The following GRAMD1B variants were observed in gnomAD, a reference collection of about 807,000 sequenced individuals.
The protein encoded by GRAMD1B is protein Aster-B.
Under a neutral mutation model 99.7 loss-of-function variants are expected in GRAMD1B, and 37 were observed. The ratio of observed to expected loss-of-function variants is 0.37; its 90% CI spans 0.29 to 0.49. The LOEUF (loss-of-function observed/expected upper bound fraction) is 0.49. Ranked by LOEUF, GRAMD1B falls within the 20% of genes least tolerant of loss-of-function variation. GRAMD1B has a pLI of 0.98. For missense variants in GRAMD1B, 888 were observed against 1,009.2 expected, an observed-to-expected ratio of 0.88 and a Z score of 1.63; for synonymous variants, 427 against 387.6, an observed-to-expected ratio of 1.10 and a Z score of -1.19.
rs561772300 is a variant in GRAMD1B, at chr11:123,388,316, C to T, written c.-176+29517C>T. On this transcript the variant is annotated intron_variant, in intron 1 of 20. Transcript: ENST00000638157. ...ATGTGGTAGTATTAAGAGGTGGGGC[C>T]TTTCAAAGGTGATTAGGTCATAAGA... 1.6e-4 allele frequency among the ~76,000 whole-genome samples: 25 copies of T among 152,022 alleles called. No homozygotes were observed. The South Asian group carries it at 5.2e-3, about 32-fold the overall frequency.
intron 4 of GRAMD1B, 25 bp downstream of exon 4, chr11:123,584,357 G>A (rs1338654158): frequency 2.0e-6 from 3 of 1,469,222 alleles, no homozygotes; most frequent in Non-Finnish European, 2.8e-6. Flanking sequence ...TTCCCTTCTT[G>A]TTGGGTACCT....
Position 123,587,857 on chromosome 11 carries a change from G to A in GRAMD1B, c.684+3525G>A, listed in dbSNP as rs1950219296. On this transcript the variant is annotated intron_variant, in intron 4 of 19. Transcript: ENST00000635736. This position sits in a 1 kb window ranked among gnomAD's most constrained non-coding sequence, Gnocchi z 4.2. ...GTGTTGGGGTTGGGCAGCGGAGAGG[G>A]TAGGAGACCTGCCTCGAACCTGGTG... Among the ~76,000 whole-genome samples the A allele has an allele frequency of 2.0e-5, 3 of 152,146 alleles. No individual in the cohort carries two copies. Among genetic ancestry groups the A allele is most frequent in the Non-Finnish European group, 4.4e-5 (3 of 68,018 alleles).
At chr11:123,483,790 G>A (rs750696812) in intron 2 of GRAMD1B, among the ~76,000 whole-genome samples, 2 of 152,140 alleles carry the variant, frequency 1.3e-5, no homozygotes, top group African/African-American at 2.4e-5. Context: ...GCTGGGTGGT[G>A]TGTCAAAAGG....
intron 2 of GRAMD1B, among the ~76,000 whole-genome samples, chr11:123,481,476 C>T (rs115089156): frequency 2.6e-5 from 4 of 151,918 alleles, no homozygotes; most frequent in African/African-American, 9.7e-5. Context: ...ACAACAACAA[C>T]AAACTTTACA....
chr11:123,468,304 A>G (rs1450609792), intron 1 of GRAMD1B, among the ~76,000 whole-genome samples: 1 of 150,794 alleles, frequency 6.6e-6, no homozygotes, highest in East Asian at 1.9e-4. Context: ...TTACAAATAC[A>G]TCAAGGGAGG....
At chr11:123,534,413 A>C (rs1264376924) in intron 2 of GRAMD1B, among the ~76,000 whole-genome samples, 1 of 152,212 alleles carries the variant, frequency 6.6e-6, no homozygotes, top group Non-Finnish European at 1.5e-5. Context: ...TGCACAGTTC[A>C]AATCCATGTT....
chr11:123,572,561 A>G (rs1948225304), intron 2 of GRAMD1B, among the ~76,000 whole-genome samples: 1 of 152,202 alleles, frequency 6.6e-6, no homozygotes, highest in Non-Finnish European at 1.5e-5. Context: ...AACTGCAAAC[A>G]TTTCTTCTTT....
chr11:123,381,899 G>A (rs1946888641), intron 1 of GRAMD1B, among the ~76,000 whole-genome samples: 1 of 152,192 alleles, frequency 6.6e-6, no homozygotes, highest in South Asian at 2.1e-4. Context: ...AGGACCGGAG[G>A]CTTGGGGTGG....
chr11:123,570,064 G>A (rs570466774), intron 2 of GRAMD1B, among the ~76,000 whole-genome samples: 3 of 152,312 alleles, frequency 2.0e-5, no homozygotes, highest in South Asian at 2.1e-4. Flanking sequence ...TGTTATACCC[G>A]GAGTTGTAAA....
chr11:123,438,573 T>G (rs1488481698), intron 1 of GRAMD1B, among the ~76,000 whole-genome samples: 1 of 152,142 alleles, frequency 6.6e-6, no homozygotes, highest in Non-Finnish European at 1.5e-5. Flanking sequence ...TAAAACAATC[T>G]GTGGAAACTG....
rs925809524 is a variant in GRAMD1B, at chr11:123,627,487, A to T, written c.*4892A>T. On this transcript the variant is annotated 3_prime_UTR_variant, in exon 20 of 20. Coordinates refer to ENST00000635736, the MANE Select transcript of GRAMD1B (RefSeq NM_001387025.1). ...GGTCAGAGGCCATAGTGGCCCCTGG[A>T]TAATCCTGACGTGGGGTGGAGTGGG... 5.3e-5 allele frequency: 8 copies of T among 152,302 alleles called. No individual in the cohort carries two copies. Among genetic ancestry groups the T allele is most frequent in the African/African-American group, 1.9e-4 (8 of 41,464 alleles). The allele number at this position is 152,302 out of a possible 1,614,324, so 9.4% of individuals were successfully genotyped here. A position where few individuals can be genotyped will look rare whatever the true frequency, so the allele number is the denominator to read the frequency against.
chr11:123,376,637 A>T (rs1946699501), intron 1 of GRAMD1B, among the ~76,000 whole-genome samples: 1 of 152,208 alleles, frequency 6.6e-6, no homozygotes. Context: ...CCTAAGGAGA[A>T]CCAGCTTAAG....
chr11:123,540,755 A>T (rs1178300745), intron 2 of GRAMD1B, among the ~76,000 whole-genome samples: 1 of 152,134 alleles, frequency 6.6e-6, no homozygotes, highest in Non-Finnish European at 1.5e-5. Context: ...TTATAGATAG[A>T]TACACACATA....
chr11:123,409,381 G>A lies in GRAMD1B; in HGVS notation c.-176+50582G>A, dbSNP rs192602276. Reference sequence around the variant, plus strand: ...CTCAAAGGGCTGTGTACATACAGACGTTGGCGTTTATGTTGGTAACTGTGC... The same window carrying A: ...CTCAAAGGGCTGTGTACATACAGACATTGGCGTTTATGTTGGTAACTGTGC... On this transcript the variant is annotated intron_variant, in intron 1 of 20. Transcript: ENST00000638157. Among the ~76,000 whole-genome samples the A allele has an allele frequency of 4.1e-4, 63 of 152,256 alleles. No homozygotes were observed. In the East Asian group the frequency reaches 0.011, roughly 27 times the overall value.
chr11:123,513,262 A>G (rs1361189884), intron 2 of GRAMD1B, among the ~76,000 whole-genome samples: 2 of 152,196 alleles, frequency 1.3e-5, no homozygotes, highest in African/African-American at 4.8e-5. Context: ...CAGTCTTATG[A>G]CAACATTCCC....
chr11:123,515,644 A>G (rs1319179807), intron 2 of GRAMD1B, among the ~76,000 whole-genome samples: 1 of 152,218 alleles, frequency 6.6e-6, no homozygotes, highest in Non-Finnish European at 1.5e-5. Context: ...CAGAATTACC[A>G]GTTATTTATT....
chr11:123,552,561 T>G (rs550009547), intron 2 of GRAMD1B, among the ~76,000 whole-genome samples: 1 of 151,622 alleles, frequency 6.6e-6, no homozygotes, highest in Non-Finnish European at 1.5e-5. Flanking sequence ...TGTCTTCTCT[T>G]TCAAAGGCAG....
At chr11:123,490,897 G>A (rs575134152) in intron 2 of GRAMD1B, among the ~76,000 whole-genome samples, 3 of 152,278 alleles carry the variant, frequency 2.0e-5, no homozygotes, top group South Asian at 4.1e-4. Flanking sequence ...GGAGGTTAGC[G>A]GCAGCAGGAT....
intron 2 of GRAMD1B, among the ~76,000 whole-genome samples, chr11:123,565,887 G>T (rs1947315911): frequency 6.6e-6 from 1 of 152,194 alleles, no homozygotes; most frequent in Admixed American, 6.5e-5. Context: ...TACAACACCA[G>T]TAAGTTCTTA....
Sources: allele counts gnomAD v4.1 joint callset (sites outside exome capture counted in the v4.1 genomes callset), GRCh38; gene constraint gnomAD v4.1.1; non-coding constraint Gnocchi (gnomAD v3.1); transcripts MANE v1.5; gene names NCBI Gene and HGNC (gene_info 2026-07-23, HGNC 2026-07-21).